SIAH3: variants seen among roughly 807,000 people sequenced by gnomAD.
SIAH3 encodes the protein siah E3 ubiquitin protein ligase family member 3.
A neutral mutation model predicts 12.6 loss-of-function variants in SIAH3; 9 were observed. That is an observed-to-expected ratio of 0.72 (90% CI 0.43 to 1.25). The LOEUF is 1.25. Among genes scored for constraint, SIAH3 ranks in the 50% most tolerant of loss-of-function variants. The pLI is 0.00. For synonymous variants in SIAH3, 154 were observed against 151.1 expected (o/e 1.02, Z -0.14); for missense variants, 390 against 365.4 (o/e 1.07, Z -0.55).
chr13:45,832,310 C>T (rs754800713), intron 1 of SIAH3, among the ~76,000 whole-genome samples: 4 of 152,194 alleles, frequency 2.6e-5, no homozygotes, highest in South Asian at 2.1e-4. Context: ...AACCTTTCCT[C>T]GCTCCAAAGA....
chr13:45,836,324 T>C lies in SIAH3; in HGVS notation c.135+15171A>G, dbSNP rs556701211. ...AATCAATCTAAATGCCCATCAGTGATAGACTGGGTAAAGAAACTGTAGTGC... is the reference window on the plus strand; with the variant it reads ...AATCAATCTAAATGCCCATCAGTGACAGACTGGGTAAAGAAACTGTAGTGC... On this transcript the variant is annotated intron_variant, in intron 1 of 1. Coordinates refer to ENST00000400405, the MANE Select transcript of SIAH3 (RefSeq NM_198849.3). Among the ~76,000 whole-genome samples, 5 of 152,304 alleles carry C rather than the reference T, an allele frequency of 3.3e-5. No homozygotes were observed. In the South Asian group the frequency reaches 1.0e-3, roughly 32 times the overall value.
intron 1 of SIAH3, among the ~76,000 whole-genome samples, chr13:45,785,284 AT>A (rs1185198610): frequency 6.6e-6 from 1 of 152,160 alleles, no homozygotes; most frequent in Non-Finnish European, 1.5e-5. Flanking sequence ...CCTTGCAGCC[AT>A]TTCCTAGGCT....
intron 1 of SIAH3, among the ~76,000 whole-genome samples, chr13:45,829,784 A>G (rs1252659492): frequency 6.6e-6 from 1 of 152,058 alleles, no homozygotes; most frequent in Non-Finnish European, 1.5e-5. Context: ...CTCTGAGAAG[A>G]CCAAACATTG....
intron 1 of SIAH3, among the ~76,000 whole-genome samples, chr13:45,801,290 C>A (rs1359013633): frequency 1.3e-5 from 2 of 152,080 alleles, no homozygotes; most frequent in Non-Finnish European, 2.9e-5. Context: ...GGGTCAGAAA[C>A]AATAGAGGAA....
intron 1 of SIAH3, among the ~76,000 whole-genome samples, chr13:45,803,452 G>C (rs1047499882): frequency 1.3e-5 from 2 of 152,154 alleles, no homozygotes; most frequent in African/African-American, 4.8e-5. Flanking sequence ...TAAGCCCAGG[G>C]AGCTGTGGGA....
chr13:45,835,599 C>T (rs1382929533), intron 1 of SIAH3, among the ~76,000 whole-genome samples: 1 of 152,198 alleles, frequency 6.6e-6, no homozygotes, highest in African/African-American at 2.4e-5. Flanking sequence ...AAAAGCTAAA[C>T]CTCAAGTCCA....
chr13:45,788,045 A>G (rs890740913), intron 1 of SIAH3, among the ~76,000 whole-genome samples: 2 of 152,218 alleles, frequency 1.3e-5, no homozygotes, highest in Non-Finnish European at 2.9e-5. Context: ...AAGAGCCTGA[A>G]GTGAATAACT....
intron 1 of SIAH3, among the ~76,000 whole-genome samples, chr13:45,784,569 G>GGCGTCCTTCTCCT (rs1555256352): frequency 6.6e-6 from 1 of 151,610 alleles, no homozygotes; most frequent in Non-Finnish European, 1.5e-5. Flanking sequence ...TCCTGTCTTG[G>GGCGTCCTTCTCCT]GCGCCCTTCT....
At chr13:45,790,469 GA>G (rs111697272) in intron 1 of SIAH3, among the ~76,000 whole-genome samples, 149 of 149,210 alleles carry the variant, frequency 1.0e-3, no homozygotes, top group African/African-American at 3.5e-3. Context: ...GGATGACACT[GA>G]AAAAAAAAAT....
intron 1 of SIAH3, among the ~76,000 whole-genome samples, chr13:45,809,131 C>T (rs1225459878): frequency 3.9e-5 from 6 of 152,202 alleles, no homozygotes; most frequent in Non-Finnish European, 8.8e-5. Context: ...TGAGGCTGCG[C>T]TGCATAACCT....
intron 1 of SIAH3, among the ~76,000 whole-genome samples, chr13:45,835,790 C>T (rs368762198): frequency 1.3e-5 from 2 of 152,186 alleles, no homozygotes; most frequent in South Asian, 4.1e-4. Context: ...GGGCTTGGGA[C>T]CAAGTCTCAC....
intron 1 of SIAH3, among the ~76,000 whole-genome samples, chr13:45,844,509 A>C (rs1950751837): frequency 6.6e-6 from 1 of 152,210 alleles, no homozygotes; most frequent in South Asian, 2.1e-4. Flanking sequence ...CCTGGTTCTA[A>C]GGCCTTCGGA....
rs80127090 is a variant in SIAH3, at chr13:45,793,594, A to G, written c.136-9537T>C. ...TCCGAAGTGTCAGCACAGTGATTGG[A>G]ACATGGTAGGTACCCGGGAAGTATG... On this transcript the variant is annotated intron_variant, in intron 1 of 1. Transcript: ENST00000400405. 1.0e-2 allele frequency among the ~76,000 whole-genome samples: 1,520 copies of G among 152,300 alleles called. 17 individuals carry two copies. Among genetic ancestry groups the G allele is most frequent in the African/African-American group, 0.035 (1,454 of 41,562 alleles).
chr13:45,791,555 C>T (rs9534213), intron 1 of SIAH3, among the ~76,000 whole-genome samples: 37,563 of 151,818 alleles, frequency 0.25, 4,923 homozygotes, highest in Non-Finnish European at 0.27. Flanking sequence ...AGGAAGGTGC[C>T]CTGGCAGCTC....
rs1457263465 is a variant in SIAH3, at chr13:45,783,940, CGTGGTGGCGGAGGTGGT to C, written c.236_252del (p.His79ArgfsTer48). On this transcript the variant is annotated frameshift_variant, in exon 2 of 2. Coordinates refer to ENST00000400405, the MANE Select transcript of SIAH3 (RefSeq NM_198849.3). LOFTEE classifies it high-confidence loss of function. ...TGGTGGTGAAGGTGGTGGGGGTGGG[CGTGGTGGCGGAGGTGGT>C]GGTGGTGGCGGTGGTGGCAGTGGTG... is the stretch of plus-strand genomic sequence containing the variant. The C allele has an allele frequency of 6.2e-7, 1 of 1,602,804 alleles. No individual in the cohort carries two copies. The highest frequency in any genetic ancestry group is 2.2e-5 in the East Asian group (1 of 44,772).
At chr13:45,802,040 C>T (rs763335121) in intron 1 of SIAH3, among the ~76,000 whole-genome samples, 1 of 152,086 alleles carries the variant, frequency 6.6e-6, no homozygotes, top group Non-Finnish European at 1.5e-5. Context: ...CGTGGTGGCT[C>T]ACGCCTGTAA....
intron 1 of SIAH3, among the ~76,000 whole-genome samples, chr13:45,822,210 C>G (rs1241716639): frequency 6.6e-6 from 1 of 152,080 alleles, no homozygotes; most frequent in Non-Finnish European, 1.5e-5. Flanking sequence ...ATATGGTGTC[C>G]CACTGCCATG....
chr13:45,830,455 G>A (rs776805082), intron 1 of SIAH3, among the ~76,000 whole-genome samples: 7 of 152,250 alleles, frequency 4.6e-5, no homozygotes, highest in South Asian at 2.1e-4. Context: ...TCCTCAAGGC[G>A]TGGGGTAGGG....
chr13:45,778,143 G>T lies in SIAH3; in HGVS notation c.*5240C>A, dbSNP rs1421623532. 6.6e-6 allele frequency: 1 copy of T among 152,198 alleles called. No homozygotes were observed. 9.4% of individuals were successfully genotyped at this position (152,198 alleles called of 1,614,324 possible). ...TCCCTCAGCTTCATGCTTTACGGGG[G>T]TCCCACTTTTGTGATAATGCATCTT... is the stretch of plus-strand genomic sequence containing the variant. On this transcript the variant is annotated 3_prime_UTR_variant, in exon 2 of 2. Coordinates refer to ENST00000400405, the MANE Select transcript of SIAH3 (RefSeq NM_198849.3).
Sources: allele counts gnomAD v4.1 joint callset (sites outside exome capture counted in the v4.1 genomes callset), GRCh38; gene constraint gnomAD v4.1.1; transcripts MANE v1.5; gene names NCBI Gene and HGNC (gene_info 2026-07-23, HGNC 2026-07-21).